The following CEP164 variants were observed in gnomAD, a reference collection of about 807,000 sequenced individuals.
CEP164 encodes the protein centrosomal protein of 164 kDa.
A neutral mutation model predicts 182.7 loss-of-function variants in CEP164; 162 were observed. That is an observed-to-expected ratio of 0.89 (90% CI 0.78 to 1.01). CEP164 has a LOEUF of 1.01. Among genes scored for constraint, CEP164 ranks in the 50% least tolerant of loss-of-function variants. CEP164 has a pLI of 0.00. For synonymous variants in CEP164, 661 were observed against 690.0 expected, an observed-to-expected ratio of 0.96 and a Z score of 0.66; for missense variants, 1,735 against 1,790.4, an observed-to-expected ratio of 0.97 and a Z score of 0.56.
At chr11:117,325,488 C>T (rs1050500077), upstream of CEP164, among the ~76,000 whole-genome samples, 3 of 152,178 alleles carry the variant, frequency 2.0e-5, no homozygotes, top group South Asian at 2.1e-4. Flanking sequence ...TGGGTTCAAG[C>T]GATTCTCCTG....
Position 117,392,217 on chromosome 11 carries a change from C to T in CEP164, c.2284-9C>T, listed in dbSNP as rs776470841. On this transcript the variant is annotated splice_polypyrimidine_tract_variant and intron_variant, in intron 17 of 32. Coordinates refer to ENST00000278935, the MANE Select transcript of CEP164 (RefSeq NM_014956.5). ...CAGCTTCACTCACAGTCCCTTTGCT[C>T]CTCCCCAGGCTGTGGCAACGCTGGA... is the stretch of plus-strand genomic sequence containing the variant. The T allele has an allele frequency of 5.1e-6, 8 of 1,570,684 alleles. No homozygotes were observed. In the South Asian group the frequency reaches 9.3e-5, roughly 18 times the overall value.
intron 28 of CEP164, 56 bp from the exon 29 acceptor site, chr11:117,408,834 G>C (rs949542550): frequency 3.1e-6 from 5 of 1,605,308 alleles, no homozygotes; most frequent in Non-Finnish European, 4.3e-6. Context: ...AAGGAAAAAG[G>C]AAGGGTAGAA....
chr11:117,355,249 G>C (rs1370974945), intron 5 of CEP164: 1 of 1,289,836 alleles, frequency 7.8e-7, no homozygotes, highest in Non-Finnish European at 1.0e-6. Context: ...AGCAGGGTCT[G>C]GAGAAACTCC....
chr11:117,384,501 G>A (rs2043716779), intron 14 of CEP164: 1 of 152,258 alleles, frequency 6.6e-6, no homozygotes, highest in African/African-American at 2.4e-5. Flanking sequence ...AGGTCAGAGG[G>A]ATGTCTTCCC....
chr11:117,364,263 T>C (rs2041366423), intron 8 of CEP164, among the ~76,000 whole-genome samples: 1 of 152,348 alleles, frequency 6.6e-6, no homozygotes, highest in African/African-American at 2.4e-5. Flanking sequence ...TTTTCACAAG[T>C]CTAATATATC....
chr11:117,373,690 T>A, intron 9 of CEP164, 61 bp from the exon 10 acceptor site: 1 of 1,445,202 alleles, frequency 6.9e-7, no homozygotes, highest in South Asian at 1.2e-5. Context: ...ATTCCCTGGG[T>A]AGGGACCATG....
chr11:117,388,293 A>G (rs539812955), intron 15 of CEP164, among the ~76,000 whole-genome samples: 26 of 152,366 alleles, frequency 1.7e-4, no homozygotes, highest in African/African-American at 6.0e-4. Context: ...GAAGACTGGC[A>G]TGCTAGAAGT....
At position 117,396,044 on chromosome 11, in the gene CEP164, C is replaced by T. The variant is rs760937349; in HGVS notation, c.3090-10C>T. 6.2e-7 allele frequency: 1 copy of T among 1,614,122 alleles called. No homozygotes were observed. The highest frequency in any genetic ancestry group is 2.2e-5 in the East Asian group (1 of 44,882). On this transcript the variant is annotated splice_polypyrimidine_tract_variant and intron_variant, in intron 24 of 32. Transcript: ENST00000278935. ...GCTGCCCTGCCTCTCACTCATCTTT[C>T]CTTCCACAGCAGCCTGGAGGCTGAA...
chr11:117,373,138 G>A (rs1425976534), intron 9 of CEP164, among the ~76,000 whole-genome samples: 1 of 152,126 alleles, frequency 6.6e-6, no homozygotes, highest in Non-Finnish European at 1.5e-5. Flanking sequence ...GGAGGCCAAG[G>A]CGGGTGGATC....
intron 12 of CEP164, among the ~76,000 whole-genome samples, chr11:117,381,320 T>C (rs1253362326): frequency 1.3e-5 from 2 of 152,240 alleles, no homozygotes; most frequent in East Asian, 3.9e-4. Context: ...TTTTCTAGTT[T>C]GACCTCTTGA....
intron 27 of CEP164, among the ~76,000 whole-genome samples, chr11:117,400,447 T>A (rs147398826): frequency 6.0e-4 from 91 of 152,312 alleles, no homozygotes; most frequent in African/African-American, 1.9e-3. Flanking sequence ...TCTTTTTGCT[T>A]AGGATTGTCT....
chr11:117,375,749 T>G lies in CEP164; in HGVS notation c.1275T>G (p.Asp425Glu), dbSNP rs1437290603. The change falls in exon 11 of 33, where the codon GAT (aspartate) becomes GAG (glutamate). Residue 425 changes from aspartate to glutamate, a missense_variant. Asp to Glu is a conservative substitution (Grantham distance 45). Transcript: ENST00000278935. ...FRSRISEHLL[D>E]VDVLSPVLGG... The stretch of plus-strand genomic sequence containing the variant: ...GCCGGATCTCGGAGCACCTGCTGGA[T>G]GTTGATGTGCTTTCCCCAGTCCTGG... 1 of 1,613,956 alleles carries G rather than the reference T, an allele frequency of 6.2e-7. No homozygotes were observed. The highest frequency in any genetic ancestry group is 8.5e-7 in the Non-Finnish European group (1 of 1,180,008).
At position 117,402,859 on chromosome 11, in the gene CEP164, C is replaced by G. The variant is rs551381265; in HGVS notation, c.3502-5066C>G. Among the ~76,000 whole-genome samples the G allele has an allele frequency of 3.9e-4, 60 of 152,180 alleles. 1 individual carries two copies. Among genetic ancestry groups the G allele is most frequent in the South Asian group, 1.7e-3 (8 of 4,828 alleles). On this transcript the variant is annotated intron_variant, in intron 27 of 32. Coordinates refer to ENST00000278935, the MANE Select transcript of CEP164 (RefSeq NM_014956.5). ...GTCTCTAACAACTTGCTTTATGCAT[C>G]TGGGTGCTCCTGGGTGCATATATAT... is the stretch of plus-strand genomic sequence containing the variant.
chr11:117,334,129 C>G (rs553663435), intron 1 of CEP164, among the ~76,000 whole-genome samples: 2 of 152,196 alleles, frequency 1.3e-5, no homozygotes, highest in African/African-American at 4.8e-5. Flanking sequence ...CCTTCCCAGA[C>G]GAGCTCAAGA....
intron 5 of CEP164, among the ~76,000 whole-genome samples, chr11:117,354,090 C>G (rs957104174): frequency 1.3e-5 from 2 of 151,388 alleles, no homozygotes; most frequent in Non-Finnish European, 2.9e-5. Flanking sequence ...GATCTTGGAT[C>G]ACTGCAACCT....
rs1198789486 is a variant in CEP164 at position 117,392,263 on chromosome 11, T to C, written c.2321T>C (p.Leu774Pro). 2 of 1,612,020 alleles carry C rather than the reference T, an allele frequency of 1.2e-6. No homozygotes were observed. The highest frequency in any genetic ancestry group is 1.7e-6 in the Non-Finnish European group (2 of 1,179,606). The change falls in exon 18 of 33, where the codon CTG becomes CCG. Residue 774 changes from leucine (L) to proline (P), a missense_variant. Leu to Pro is a moderately conservative substitution (Grantham distance 98). Transcript: ENST00000278935. ...ATLEKEHSAE[L>P]ERLCSSLEAK... is the part of the protein sequence containing the mutation. Reference sequence around the variant, plus strand: ...CTGGAGAAGGAGCACAGTGCTGAGCTGGAGCGGCTCTGCTCCTCATTGGAG... The same window carrying C: ...CTGGAGAAGGAGCACAGTGCTGAGCCGGAGCGGCTCTGCTCCTCATTGGAG...
chr11:117,330,380 C>T lies in CEP164; in HGVS notation c.-98+2476C>T, dbSNP rs142575248. Among the ~76,000 whole-genome samples the T allele has an allele frequency of 2.8e-3, 424 of 152,254 alleles. 1 individual carries two copies. Among genetic ancestry groups the T allele is most frequent in the African/African-American group, 8.7e-3 (360 of 41,524 alleles). ...GTGTTCAGTAAGTGATTACTTGGCG[C>T]GGTGACTCACGCCTGTAATCTCAGC... is the stretch of plus-strand genomic sequence containing the variant. On this transcript the variant is annotated intron_variant, in intron 1 of 32. Transcript: ENST00000278935.
rs541149150 is a variant in CEP164, at chr11:117,344,238, A to C, written c.155A>C (p.Glu52Ala). 1.2e-6 allele frequency: 2 copies of C among 1,613,408 alleles called. No homozygotes were observed. The highest frequency in any genetic ancestry group is 2.7e-5 in the African/African-American group (2 of 75,032). The change falls in exon 4 of 33, where the codon GAG becomes GCG. Residue 52 changes from glutamate (E) to alanine (A), a missense_variant. Glu to Ala is a moderately radical substitution (Grantham distance 107, BLOSUM62 -1). Transcript: ENST00000278935. ...CCAGAACTGATGTGGCTGGCGCGAGAGGGCATCGTGGCCCCACTGCCTGGA... is the reference window on the plus strand; with the variant it reads ...CCAGAACTGATGTGGCTGGCGCGAGCGGGCATCGTGGCCCCACTGCCTGGA... Reference protein sequence around the residue: ...KEPELMWLAREGIVAPLPGEW... With the variant: ...KEPELMWLARAGIVAPLPGEW...
intron 4 of CEP164, among the ~76,000 whole-genome samples, chr11:117,351,201 T>C (rs922384250): frequency 6.6e-6 from 1 of 152,114 alleles, no homozygotes; most frequent in Admixed American, 6.6e-5. Context: ...CCGGCTAATT[T>C]TGTATTTTTA....
Sources: gnomAD v4.1 joint callset for allele counts (sites outside exome capture counted in the v4.1 genomes callset) on GRCh38, gnomAD v4.1.1 for gene constraint, MANE v1.5 for transcripts, NCBI Gene and HGNC (gene_info 2026-07-23, HGNC 2026-07-21) for gene names.